MAGI3: variants seen among roughly 807,000 people sequenced by gnomAD.
MAGI3 encodes the protein membrane associated guanylate kinase, WW and PDZ domain containing 3, also known as membrane-associated guanylate kinase, WW and PDZ domain-containing protein 3.
MAGI3 carries 43 observed loss-of-function variants against 121.8 expected under a neutral mutation model. The ratio of observed to expected loss-of-function variants is 0.35; its 90% CI spans 0.28 to 0.46. The LOEUF (loss-of-function observed/expected upper bound fraction) is 0.46. Among genes scored for constraint, MAGI3 ranks in the 20% least tolerant of loss-of-function variants. MAGI3 has a pLI of 1.00. For synonymous variants in MAGI3, 553 were observed against 639.3 expected, an observed-to-expected ratio of 0.86 and a Z score of 2.04; for missense variants, 1,547 against 1,797.3, an observed-to-expected ratio of 0.86 and a Z score of 2.52.
intron 1 of MAGI3, among the ~76,000 whole-genome samples, chr1:113,480,699 C>G (rs941408457): frequency 6.6e-6 from 1 of 152,208 alleles, no homozygotes; most frequent in Non-Finnish European, 1.5e-5. Flanking sequence ...CTTCTTATTT[C>G]CATGCTTCAC....
intron 1 of MAGI3, among the ~76,000 whole-genome samples, chr1:113,405,723 C>G (rs754297635): frequency 6.6e-6 from 1 of 152,016 alleles, no homozygotes; most frequent in Non-Finnish European, 1.5e-5. Flanking sequence ...GGCTCACAAC[C>G]TCAACTTCTC....
chr1:113,480,865 A>C (rs568015014), intron 1 of MAGI3, among the ~76,000 whole-genome samples: 49 of 152,264 alleles, frequency 3.2e-4, no homozygotes, highest in African/African-American at 1.1e-3. Flanking sequence ...TGACTTTTGA[A>C]TCCGCCAGTA....
At chr1:113,638,615 T>G (rs1652213398) in intron 9 of MAGI3, among the ~76,000 whole-genome samples, 1 of 152,114 alleles carries the variant, frequency 6.6e-6, no homozygotes, top group African/African-American at 2.4e-5. Context: ...GAGTACCCGG[T>G]CATGTGAGGT....
Position 113,683,480 on chromosome 1 carries a change from T to C in MAGI3, c.3912T>C (p.Ala1304=), listed in dbSNP as rs1648343737. 2 of 1,613,784 alleles carry C rather than the reference T, an allele frequency of 1.2e-6. No individual in the cohort carries two copies. Among genetic ancestry groups the C allele is most frequent in the African/African-American group, 1.3e-5 (1 of 74,898 alleles). ...AAGGAAGCAAAGCTCCATCAAATGC[T>C]GAGGCCAAATTATTAGAGGGTAAGA... The part of the protein sequence containing the change: ...KIEGSKAPSN[A]EAKLLEGKSR... The change falls in exon 21 of 21, where the codon GCT becomes GCC. Residue 1304 remains alanine (A), a synonymous_variant. Transcript: ENST00000307546.
intron 5 of MAGI3, among the ~76,000 whole-genome samples, chr1:113,594,056 T>A (rs1648849362): frequency 6.6e-6 from 1 of 152,218 alleles, no homozygotes; most frequent in Admixed American, 6.5e-5. Context: ...TACCTACGTA[T>A]CACAGGCACA....
rs573326691 is a variant in MAGI3 at position 113,634,933 on chromosome 1, T to G, written c.1361-6978T>G. Among the ~76,000 whole-genome samples the G allele has an allele frequency of 2.2e-4, 34 of 152,264 alleles. No homozygotes were observed. The South Asian group carries it at 6.6e-3, about 30-fold the overall frequency. On this transcript the variant is annotated intron_variant, in intron 9 of 20. Coordinates refer to ENST00000307546, the MANE Select transcript of MAGI3 (RefSeq NM_001142782.2). The stretch of plus-strand genomic sequence containing the variant: ...TTGAGCAGTGGTTTGTAGTTCTCCT[T>G]GAAGAGGTCCTTCACGTCCCTTGTA...
At chr1:113,462,360 C>T (rs1655077816) in intron 1 of MAGI3, among the ~76,000 whole-genome samples, 1 of 152,172 alleles carries the variant, frequency 6.6e-6, no homozygotes, top group African/African-American at 2.4e-5. Flanking sequence ...CACCTAAATA[C>T]CATGGAATAC....
chr1:113,468,153 GTTTC>G (rs1160819877), intron 1 of MAGI3, among the ~76,000 whole-genome samples: 1 of 152,046 alleles, frequency 6.6e-6, no homozygotes, highest in African/African-American at 2.4e-5. Context: ...AAGTTGAATT[GTTTC>G]TTTATCTGTT....
Position 113,569,420 on chromosome 1 carries a change from G to A in MAGI3, c.434-11122G>A, listed in dbSNP as rs544021890. Among the ~76,000 whole-genome samples, 397 of 151,926 alleles carry A rather than the reference G, an allele frequency of 2.6e-3. 1 individual carries two copies. Among genetic ancestry groups the A allele is most frequent in the African/African-American group, 8.3e-3 (344 of 41,458 alleles). On this transcript the variant is annotated intron_variant, in intron 2 of 20. Coordinates refer to ENST00000307546, the MANE Select transcript of MAGI3 (RefSeq NM_001142782.2). ...AAAAGACCAGTATTTTATTTACTCT[G>A]TTATTTTTAATTGGGAATTTAACAT... is the stretch of plus-strand genomic sequence containing the variant.
chr1:113,465,259 T>C (rs904504219), intron 1 of MAGI3, among the ~76,000 whole-genome samples: 3 of 151,822 alleles, frequency 2.0e-5, no homozygotes, highest in African/African-American at 7.3e-5. Context: ...CTGAAAATAC[T>C]GTCTTTTCCC....
At chr1:113,443,558 C>T in intron 1 of MAGI3, among the ~76,000 whole-genome samples, 1 of 152,122 alleles carries the variant, frequency 6.6e-6, no homozygotes, top group East Asian at 1.9e-4. Context: ...AAGTCTTTAA[C>T]CAAGATCATT....
chr1:113,550,881 T>G (rs1405975117), intron 2 of MAGI3, among the ~76,000 whole-genome samples: 1 of 151,116 alleles, frequency 6.6e-6, no homozygotes, highest in East Asian at 1.9e-4. Flanking sequence ...TAGCTCCCAG[T>G]GCCTTGCATA....
intron 2 of MAGI3, among the ~76,000 whole-genome samples, chr1:113,575,889 C>T (rs1570888474): frequency 6.6e-6 from 1 of 152,216 alleles, no homozygotes; most frequent in African/African-American, 2.4e-5. Flanking sequence ...ATGCCCTGCC[C>T]AGTGAGGAGG....
At chr1:113,435,482 A>T (rs1355142091) in intron 1 of MAGI3, among the ~76,000 whole-genome samples, 1 of 152,194 alleles carries the variant, frequency 6.6e-6, no homozygotes, top group Non-Finnish European at 1.5e-5. Flanking sequence ...GTTTTGAAAA[A>T]TGAAATTAAG....
chr1:113,391,173 G>A lies in MAGI3; in HGVS notation c.140G>A (p.Arg47Gln), dbSNP rs551196385. ...CGTGGCGAGTTCCCCTACCTGGGGC[G>A]GCTCCGCGAGGAGCCCGGCGGGGGC... ...AERGEFPYLGRLREEPGGGTC... is the reference protein window; with the variant it reads ...AERGEFPYLGQLREEPGGGTC... The change falls in exon 1 of 21, where the codon CGG (arginine) becomes CAG (glutamine). Residue 47 changes from arginine to glutamine, a missense_variant. Arg to Gln is a conservative substitution (Grantham distance 43). Transcript: ENST00000307546. This position sits in a 1 kb window ranked among gnomAD's most constrained non-coding sequence, Gnocchi z 4.4. 43 of 1,553,650 alleles carry A rather than the reference G, an allele frequency of 2.8e-5. No individual in the cohort carries two copies. The East Asian group carries it at 3.6e-4, about 13-fold the overall frequency.
chr1:113,536,126 A>G (rs1032820269), intron 1 of MAGI3, among the ~76,000 whole-genome samples: 3 of 146,432 alleles, frequency 2.0e-5, no homozygotes, highest in African/African-American at 7.4e-5. Flanking sequence ...AGCTGTCCAC[A>G]ATTACTAGAA....
At chr1:113,577,366 T>C (rs1166327752) in intron 2 of MAGI3, among the ~76,000 whole-genome samples, 2 of 152,090 alleles carry the variant, frequency 1.3e-5, no homozygotes, top group African/African-American at 2.4e-5. Context: ...AAAGATCTTA[T>C]TTGAATAGGC....
At chr1:113,567,106 T>C (rs940198535) in intron 2 of MAGI3, among the ~76,000 whole-genome samples, 3 of 151,812 alleles carry the variant, frequency 2.0e-5, no homozygotes, top group Admixed American at 6.6e-5. Context: ...GGAGATATTA[T>C]AACTGATGTC....
chr1:113,510,386 ATAT>A (rs1380619321), intron 1 of MAGI3, among the ~76,000 whole-genome samples: 2 of 149,346 alleles, frequency 1.3e-5, no homozygotes, highest in African/African-American at 4.9e-5. Context: ...ATTCTGGATA[ATAT>A]TATCTACTCC....
Sources: allele counts gnomAD v4.1 joint callset (sites outside exome capture counted in the v4.1 genomes callset), GRCh38; gene constraint gnomAD v4.1.1; non-coding constraint Gnocchi (gnomAD v3.1); transcripts MANE v1.5; gene names NCBI Gene and HGNC (gene_info 2026-07-23, HGNC 2026-07-21).